CATSPERE: variants seen among roughly 807,000 people sequenced by gnomAD.
The protein encoded by CATSPERE is catsper channel auxiliary subunit epsilon.
A neutral mutation model predicts 114.1 loss-of-function variants in CATSPERE; 93 were observed. The observed-to-expected ratio is 0.81, with a 90% CI of 0.69 to 0.97. The LOEUF is 0.97. Ranked by LOEUF, CATSPERE falls within the 50% of genes least tolerant of loss-of-function variation. CATSPERE has a pLI of 0.00. For synonymous variants in CATSPERE, 341 were observed against 384.1 expected, an observed-to-expected ratio of 0.89 and a Z score of 1.31; for missense variants, 1,058 against 1,131.6, an observed-to-expected ratio of 0.93 and a Z score of 0.93.
intron 1 of CATSPERE, among the ~76,000 whole-genome samples, chr1:244,462,943 A>C: frequency 6.6e-6 from 1 of 152,200 alleles, no homozygotes; most frequent in South Asian, 2.1e-4. Context: ...AGATTCTTGA[A>C]GCAAATGGAA....
At chr1:244,516,529 T>G (rs1011913406) in intron 7 of CATSPERE, among the ~76,000 whole-genome samples, 4 of 150,758 alleles carry the variant, frequency 2.7e-5, no homozygotes, top group Admixed American at 6.6e-5. Context: ...GTTTTGTTTT[T>G]TTTTTTCTTT....
chr1:244,611,632 A>C (rs1420167715), intron 19 of CATSPERE, among the ~76,000 whole-genome samples: 1 of 152,124 alleles, frequency 6.6e-6, no homozygotes, highest in Non-Finnish European at 1.5e-5. Context: ...AATAAAAATC[A>C]TAAGGAATTA....
In CATSPERE at chr1:244,568,838, C is replaced by T. The variant is rs563113039; in HGVS notation, c.1508-3492C>T. ...GGCTCCCTGGCTTCAGCCCCCTTTC[C>T]AGCGGAGTGAATCGTTCTCTCTCAC... is the stretch of plus-strand genomic sequence containing the variant. On this transcript the variant is annotated intron_variant, in intron 10 of 21. Coordinates refer to ENST00000366534, the MANE Select transcript of CATSPERE (RefSeq NM_001130957.2). The surrounding 1 kb of genome is among the most constrained non-coding windows in gnomAD (Gnocchi z 4.4). Among the ~76,000 whole-genome samples the T allele has an allele frequency of 6.6e-6, 1 of 152,304 alleles. No individual in the cohort carries two copies. Among genetic ancestry groups the T allele is most frequent in the South Asian group, 2.1e-4 (1 of 4,826 alleles).
chr1:244,590,872 C>T (rs569948721), intron 14 of CATSPERE, among the ~76,000 whole-genome samples: 2 of 152,132 alleles, frequency 1.3e-5, no homozygotes, highest in Non-Finnish European at 1.5e-5. Flanking sequence ...TACCTTCTGG[C>T]TTTTGTGAAT....
chr1:244,559,626 A>G (rs1382101764), intron 9 of CATSPERE, among the ~76,000 whole-genome samples: 1 of 152,208 alleles, frequency 6.6e-6, no homozygotes, highest in African/African-American at 2.4e-5. Context: ...GGTAGAATTC[A>G]TTTGTCTAAG....
At chr1:244,549,351 C>T (rs1380003880) in intron 8 of CATSPERE, among the ~76,000 whole-genome samples, 3 of 152,140 alleles carry the variant, frequency 2.0e-5, no homozygotes, top group Admixed American at 1.3e-4. Flanking sequence ...TAACCAGTTA[C>T]ATAAATGAGG....
At chr1:244,549,209 C>A (rs1301295070) in intron 8 of CATSPERE, among the ~76,000 whole-genome samples, 2 of 152,146 alleles carry the variant, frequency 1.3e-5, no homozygotes, top group African/African-American at 4.8e-5. Context: ...ATGGCCCAGA[C>A]ACTTTAGGAA....
chr1:244,507,276 G>A (rs1674970701), intron 7 of CATSPERE, among the ~76,000 whole-genome samples: 1 of 152,114 alleles, frequency 6.6e-6, no homozygotes, highest in Admixed American at 6.6e-5. Context: ...ATACCTAGTA[G>A]TGGGATTGCT....
At chr1:244,620,319 A>G (rs1274324046) in intron 20 of CATSPERE, among the ~76,000 whole-genome samples, 4 of 152,218 alleles carry the variant, frequency 2.6e-5, no homozygotes, top group South Asian at 4.1e-4. Context: ...TAACACTGCA[A>G]TCATATTTGT....
intron 10 of CATSPERE, among the ~76,000 whole-genome samples, chr1:244,567,840 G>T (rs1444940312): frequency 1.3e-5 from 2 of 151,904 alleles, no homozygotes; most frequent in Admixed American, 1.3e-4. Flanking sequence ...GCCTACTTAT[G>T]TCAGTTCATC....
chr1:244,637,642 C>T (rs987275390), intron 21 of CATSPERE, among the ~76,000 whole-genome samples: 3 of 152,246 alleles, frequency 2.0e-5, no homozygotes, highest in South Asian at 2.1e-4. Context: ...ATTTCAAAGT[C>T]TATTATTTCA....
rs1664008053 is a variant in CATSPERE at position 244,568,892 on chromosome 1, A to G, written c.1508-3438A>G. ...TGTTCCTGGCACCACTGGGGTATGAAAAAAAACAAAAACAAAAACAAAGAC... is the reference window on the plus strand; with the variant it reads ...TGTTCCTGGCACCACTGGGGTATGAGAAAAAACAAAAACAAAAACAAAGAC... On this transcript the variant is annotated intron_variant, in intron 10 of 21. Transcript: ENST00000366534. The surrounding 1 kb of genome is among the most constrained non-coding windows in gnomAD (Gnocchi z 4.4). 6.6e-6 allele frequency among the ~76,000 whole-genome samples: 1 copy of G among 151,556 alleles called. No homozygotes were observed. The highest frequency in any genetic ancestry group is 2.4e-5 in the African/African-American group (1 of 40,890).
chr1:244,551,940 T>C (rs1050980544), intron 8 of CATSPERE, among the ~76,000 whole-genome samples: 14 of 151,446 alleles, frequency 9.2e-5, no homozygotes, highest in Admixed American at 3.9e-4. Flanking sequence ...GGTGGGTGCC[T>C]GTAATCCCAG....
chr1:244,559,476 A>G (rs969666792), intron 9 of CATSPERE, among the ~76,000 whole-genome samples: 8 of 152,234 alleles, frequency 5.3e-5, no homozygotes, highest in Non-Finnish European at 7.3e-5. Flanking sequence ...ATTACATTTC[A>G]AGTAAAAATC....
At chr1:244,481,382 C>T (rs1346964869) in intron 5 of CATSPERE, among the ~76,000 whole-genome samples, 3 of 152,042 alleles carry the variant, frequency 2.0e-5, no homozygotes, top group Admixed American at 6.5e-5. Flanking sequence ...ACCTGGGAGG[C>T]GGAGGTTGCA....
At position 244,463,026 on chromosome 1, in the gene CATSPERE, G is replaced by A. The variant is rs563545848; in HGVS notation, c.66-882G>A. On this transcript the variant is annotated intron_variant, in intron 1 of 21. Coordinates refer to ENST00000366534, the MANE Select transcript of CATSPERE (RefSeq NM_001130957.2). ...GTGCCTTTTGAGTATTTGAAATATA[G>A]CCCAAATTGAGATGTGGTGTAAGTG... Among the ~76,000 whole-genome samples the A allele has an allele frequency of 1.1e-3, 174 of 152,206 alleles. 1 individual carries two copies. Among genetic ancestry groups the A allele is most frequent in the African/African-American group, 3.8e-3 (158 of 41,510 alleles).
At chr1:244,533,521 T>C (rs773861590) in intron 8 of CATSPERE, among the ~76,000 whole-genome samples, 13 of 152,162 alleles carry the variant, frequency 8.5e-5, no homozygotes, top group Non-Finnish European at 1.6e-4. Context: ...TTATTTTTTG[T>C]GTAGCTGTTG....
intron 9 of CATSPERE, among the ~76,000 whole-genome samples, chr1:244,555,796 T>A (rs984247186): frequency 2.6e-5 from 4 of 152,122 alleles, no homozygotes; most frequent in Non-Finnish European, 4.4e-5. Context: ...ATGAAATAGC[T>A]GGAAAATAAA....
chr1:244,455,262 C>G (rs572163064), intron 1 of CATSPERE, among the ~76,000 whole-genome samples: 1 of 152,076 alleles, frequency 6.6e-6, no homozygotes, highest in Non-Finnish European at 1.5e-5. Context: ...CGCGTCCCCC[C>G]GCTCCCATGA....
Sources: allele counts gnomAD v4.1 joint callset (sites outside exome capture counted in the v4.1 genomes callset), GRCh38; gene constraint gnomAD v4.1.1; non-coding constraint Gnocchi (gnomAD v3.1); transcripts MANE v1.5; gene names NCBI Gene and HGNC (gene_info 2026-07-23, HGNC 2026-07-21).